Variants in ULK4 observed in about 807,000 individuals in gnomAD.
ULK4 encodes unc-51 like kinase 4.
In ULK4, 133 loss-of-function variants were observed where a neutral mutation model predicts 160.6. The ratio of observed to expected loss-of-function variants is 0.83; its 90% confidence interval spans 0.72 to 0.96. ULK4 has a LOEUF of 0.96. ULK4 is among the 40% of genes least tolerant of loss of function. ULK4 has a pLI of 0.00. For synonymous variants in ULK4, 534 were observed against 539.8 expected (o/e 0.99, Z 0.15); for missense variants, 1,580 against 1,499.5 (o/e 1.05, Z -0.89).
intron 35 of ULK4, among the ~76,000 whole-genome samples, chr3:41,364,752 G>A (rs1304661147): frequency 6.6e-6 from 1 of 152,104 alleles, no homozygotes; most frequent in Non-Finnish European, 1.5e-5. Flanking sequence ...CCTCTTTCCA[G>A]CAAACATAAC....
At position 41,756,695 on chromosome 3, in the gene ULK4, C is replaced by T. The variant is rs115576271; in HGVS notation, c.2194-2207G>A. 7.5e-3 allele frequency among the ~76,000 whole-genome samples: 1,145 copies of T among 152,162 alleles called. 13 individuals carry two copies. The highest frequency in any genetic ancestry group is 0.027 in the African/African-American group (1,102 of 41,518). ...AAAAACTGACAGATTATACGAAGCA[C>T]CTGAATGTACTCTGAAACACAAAGT... On this transcript the variant is annotated intron_variant, in intron 21 of 36. Transcript: ENST00000301831.
At chr3:41,349,740 G>A (rs907057938) in intron 35 of ULK4, among the ~76,000 whole-genome samples, 3 of 152,108 alleles carry the variant, frequency 2.0e-5, no homozygotes. Flanking sequence ...TTCCCCTTGG[G>A]GTTCTGGCCA....
At chr3:41,371,410 T>C (rs1334368828) in intron 35 of ULK4, among the ~76,000 whole-genome samples, 1 of 152,152 alleles carries the variant, frequency 6.6e-6, no homozygotes, top group African/African-American at 2.4e-5. Flanking sequence ...AGCTGACATC[T>C]GGCAGCTGCC....
chr3:41,482,271 C>A (rs1187761821), intron 32 of ULK4, among the ~76,000 whole-genome samples: 4 of 152,146 alleles, frequency 2.6e-5, no homozygotes, highest in African/African-American at 9.7e-5. Context: ...GTTTCCTTCC[C>A]TTGGCACTTC....
chr3:41,857,591 G>A (rs892262781), intron 17 of ULK4, among the ~76,000 whole-genome samples: 1 of 152,144 alleles, frequency 6.6e-6, no homozygotes, highest in Admixed American at 6.5e-5. Flanking sequence ...AAGCCATCAG[G>A]TTCCTGGCTT....
chr3:41,920,321 T>G (rs1314741575), intron 5 of ULK4, among the ~76,000 whole-genome samples: 1 of 152,182 alleles, frequency 6.6e-6, no homozygotes, highest in Non-Finnish European at 1.5e-5. Context: ...CATCTCAAAG[T>G]TACTCACATC....
intron 22 of ULK4, among the ~76,000 whole-genome samples, chr3:41,731,187 G>T (rs1321953343): frequency 1.3e-5 from 2 of 151,374 alleles, no homozygotes; most frequent in African/African-American, 4.9e-5. Context: ...GAAAGAAAGG[G>T]CATCCAAACT....
intron 12 of ULK4, among the ~76,000 whole-genome samples, chr3:41,903,913 T>C (rs1251853251): frequency 6.7e-6 from 1 of 148,670 alleles, no homozygotes; most frequent in Non-Finnish European, 1.5e-5. Context: ...ATCATGCCAA[T>C]ATCAAAATGT....
At chr3:41,437,447 C>T (rs944522075) in intron 34 of ULK4, among the ~76,000 whole-genome samples, 2 of 152,184 alleles carry the variant, frequency 1.3e-5, no homozygotes, top group African/African-American at 4.8e-5. Flanking sequence ...CTCTCCACCT[C>T]ATAGGGAAAA....
intron 30 of ULK4, among the ~76,000 whole-genome samples, chr3:41,633,869 C>T (rs535345880): frequency 2.0e-5 from 3 of 152,246 alleles, no homozygotes; most frequent in Admixed American, 1.3e-4. Context: ...CAATAAACAG[C>T]ACACCACGCA....
At chr3:41,531,256 A>G (rs1575366578) in intron 32 of ULK4, among the ~76,000 whole-genome samples, 3 of 150,784 alleles carry the variant, frequency 2.0e-5, no homozygotes, top group Admixed American at 2.0e-4. Context: ...CCTGGCTAAC[A>G]TGGTGAAACC....
At position 41,800,163 on chromosome 3, in the gene ULK4, G is replaced by C. The variant is rs373631894; in HGVS notation, c.1979C>G (p.Thr660Ser). 2 of 1,613,088 alleles carry C rather than the reference G, an allele frequency of 1.2e-6. No homozygotes were observed. The highest frequency in any genetic ancestry group is 1.7e-6 in the Non-Finnish European group (2 of 1,179,762). ...TGCTGTTATCCTAAGAGAATCAGCA[G>C]TGGAGTGTCTGAATAGGTACCACAA... ...PILWYLFRHS[T>S]ADSLRITAVS... The change falls in exon 20 of 37, where the codon ACT (threonine) becomes AGT (serine). Residue 660 changes from threonine (T) to serine (S), a missense_variant. By Grantham distance (58) the Thr-to-Ser change is moderately conservative (BLOSUM62 1). Transcript: ENST00000301831.
intron 2 of ULK4, among the ~76,000 whole-genome samples, chr3:41,943,387 T>C (rs1303032393): frequency 2.6e-5 from 4 of 152,162 alleles, no homozygotes; most frequent in Non-Finnish European, 5.9e-5. Context: ...AAAATCTCTG[T>C]TACACATCCT....
intron 30 of ULK4, among the ~76,000 whole-genome samples, chr3:41,647,732 G>A (rs552986902): frequency 3.9e-5 from 6 of 152,382 alleles, no homozygotes; most frequent in East Asian, 1.9e-4. Context: ...AAAGCTGTCA[G>A]ACAGGGACAT....
intron 35 of ULK4, among the ~76,000 whole-genome samples, chr3:41,376,191 C>A (rs1422928644): frequency 6.7e-6 from 1 of 150,170 alleles, no homozygotes; most frequent in Non-Finnish European, 1.5e-5. Flanking sequence ...TAAATTAGTT[C>A]AACCATTGTG....
intron 22 of ULK4, among the ~76,000 whole-genome samples, chr3:41,750,415 T>A (rs902994668): frequency 1.3e-5 from 2 of 152,156 alleles, no homozygotes; most frequent in African/African-American, 4.8e-5. Flanking sequence ...CATCTGTTCT[T>A]TACTCCTCCT....
chr3:41,941,979 T>C (rs1283866574), intron 2 of ULK4, among the ~76,000 whole-genome samples: 1 of 151,926 alleles, frequency 6.6e-6, no homozygotes, highest in Non-Finnish European at 1.5e-5. Flanking sequence ...TCATTCAACA[T>C]ACGCCCCACG....
intron 31 of ULK4, among the ~76,000 whole-genome samples, chr3:41,588,623 G>C (rs2031011945): frequency 6.6e-6 from 1 of 152,128 alleles, no homozygotes; most frequent in African/African-American, 2.4e-5. Flanking sequence ...CAAGTGCACA[G>C]ACCCATTTTA....
rs73830256 is a variant in ULK4, at chr3:41,578,182, G to A, written c.3121-12052C>T. Among the ~76,000 whole-genome samples, 383 of 152,306 alleles carry A rather than the reference G, an allele frequency of 2.5e-3. 1 individual carries two copies. Among genetic ancestry groups the A allele is most frequent in the African/African-American group, 8.8e-3 (365 of 41,556 alleles). ...AGTCAGGGTTGAAATTTTAACCCAA[G>A]AGCACCTTTCTCCAATAGAATATTC... On this transcript the variant is annotated intron_variant, in intron 31 of 36. Coordinates refer to ENST00000301831, the MANE Select transcript of ULK4 (RefSeq NM_017886.4).
Sources: allele counts gnomAD v4.1 joint callset (sites outside exome capture counted in the v4.1 genomes callset), GRCh38; gene constraint gnomAD v4.1.1; transcripts MANE v1.5; gene names NCBI Gene and HGNC (gene_info 2026-07-23, HGNC 2026-07-21).